RUNX1T1: variants seen among roughly 807,000 people sequenced by gnomAD.
RUNX1T1 encodes RUNX1 partner transcriptional co-repressor 1.
RUNX1T1 carries 4 observed loss-of-function variants against 62.8 expected under a neutral mutation model. That is an observed-to-expected ratio of 0.06 (90% confidence interval 0.03 to 0.15). The LOEUF (loss-of-function observed/expected upper bound fraction) is 0.15. Ranked by LOEUF, RUNX1T1 falls within the 10% of genes least tolerant of loss-of-function variation. RUNX1T1 has a pLI of 1.00. For synonymous variants in RUNX1T1, 291 were observed against 286.0 expected (o/e 1.02, Z -0.18); for missense variants, 508 against 754.3 (o/e 0.67, Z 3.82).
intron 3 of RUNX1T1, among the ~76,000 whole-genome samples, chr8:92,012,793 A>T (rs1294518826): frequency 6.6e-6 from 1 of 152,022 alleles, no homozygotes; most frequent in African/African-American, 2.4e-5. Flanking sequence ...TAGTCCTGAG[A>T]ATTATGTAAA....
At chr8:92,078,864 T>C (rs1317866216) in intron 1 of RUNX1T1, among the ~76,000 whole-genome samples, 2 of 152,236 alleles carry the variant, frequency 1.3e-5, no homozygotes, top group African/African-American at 4.8e-5. Context: ...CGCAATGTAT[T>C]TATTTTCTAA....
At chr8:92,099,380 C>T (rs553314214) in intron 1 of RUNX1T1, among the ~76,000 whole-genome samples, 1 of 152,294 alleles carries the variant, frequency 6.6e-6, no homozygotes, top group South Asian at 2.1e-4. Context: ...TAAGTGCACT[C>T]TGCAAGCACA....
intron 1 of RUNX1T1, among the ~76,000 whole-genome samples, chr8:92,057,157 G>C (rs1700852396): frequency 6.6e-6 from 1 of 152,116 alleles, no homozygotes; most frequent in South Asian, 2.1e-4. Flanking sequence ...TGATGATGAA[G>C]GCTAATGCTT....
At chr8:92,075,988 T>C (rs1834364460) in exon 2 of RUNX1T1, 1 of 1,611,446 alleles carries the variant, frequency 6.2e-7, no homozygotes, top group South Asian at 1.1e-5. Context: ...AAAGTTCCCT[T>C]TTTTCCGGCA....
intron 1 of RUNX1T1, among the ~76,000 whole-genome samples, chr8:92,030,371 G>A (rs1329022297): frequency 5.3e-5 from 8 of 152,226 alleles, no homozygotes; most frequent in Non-Finnish European, 1.2e-4. Context: ...GTCCCAGAAC[G>A]TATCACATTG....
chr8:91,986,757 C>CA, intron 7 of RUNX1T1, 130 bp downstream of exon 8: 1 of 674,718 alleles, frequency 1.5e-6, no homozygotes. Context: ...TATTCTCGCT[C>CA]ATTTTTTTTT....
intron 1 of RUNX1T1, among the ~76,000 whole-genome samples, chr8:92,087,122 T>A (rs1241004834): frequency 6.6e-6 from 1 of 152,154 alleles, no homozygotes; most frequent in Non-Finnish European, 1.5e-5. Flanking sequence ...AAAGCAGAGC[T>A]ATTCTGCTTT....
At chr8:92,065,730 T>C (rs150988780), upstream of RUNX1T1, among the ~76,000 whole-genome samples, 454 of 152,324 alleles carry the variant, frequency 3.0e-3, 5 homozygotes, top group African/African-American at 9.3e-3. Context: ...AGCAGTCTAC[T>C]GACATGGGCT....
intron 1 of RUNX1T1, among the ~76,000 whole-genome samples, chr8:92,060,553 A>ATATATATATATATATGTGTGTG: frequency 1.3e-4 from 8 of 63,936 alleles, no homozygotes; most frequent in Non-Finnish European, 1.6e-4. Context: ...ATATATATAT[A>ATATATATATATATATGTGTGTG]TGTGTGTGTG....
At chr8:92,061,556 T>C (rs1408865243) in intron 1 of RUNX1T1, among the ~76,000 whole-genome samples, 1 of 152,198 alleles carries the variant, frequency 6.6e-6, no homozygotes, top group Non-Finnish European at 1.5e-5. Flanking sequence ...TATATATCAA[T>C]AATGATTAGG....
intron 1 of RUNX1T1, among the ~76,000 whole-genome samples, chr8:92,091,509 A>T (rs1354091787): frequency 6.6e-6 from 1 of 152,230 alleles, no homozygotes; most frequent in Admixed American, 6.5e-5. Flanking sequence ...TTTCAAAAAG[A>T]GGCACAGGAA....
At chr8:92,051,602 A>ACTCTCTCT (rs34298111) in intron 1 of RUNX1T1, among the ~76,000 whole-genome samples, 1 of 140,838 alleles carries the variant, frequency 7.1e-6, no homozygotes, top group African/African-American at 2.7e-5. Flanking sequence ...ACACACACAC[A>ACTCTCTCT]CTCTCTCTCT....
At chr8:92,048,209 G>C (rs1295380204) in intron 1 of RUNX1T1, among the ~76,000 whole-genome samples, 1 of 152,090 alleles carries the variant, frequency 6.6e-6, no homozygotes, top group Admixed American at 6.6e-5. Context: ...ACTTGTTTTA[G>C]ACGTTTAAGG....
Position 92,097,988 on chromosome 8 carries a change from A to G in RUNX1T1, c.-86+1592T>C, listed in dbSNP as rs541371063. 5.9e-5 allele frequency among the ~76,000 whole-genome samples: 9 copies of G among 152,382 alleles called. No homozygotes were observed. The South Asian group carries it at 1.9e-3, about 32-fold the overall frequency. ...ACAGCTGTCTTAAAGTCCAGGCTAG[A>G]GACTAGAAATCTTAATTTCAACTAG... On this transcript the variant is annotated intron_variant, in intron 1 of 11. Coordinates refer to the RUNX1T1 transcript ENST00000265814.
chr8:91,970,043 T>TGTGTGTTGTGTG lies in RUNX1T1; in HGVS notation c.1458+614_1458+615insCACACAACACAC, dbSNP rs11374252. Reference sequence around the variant, plus strand: ...CTGTGTGTGTGTGTGTGTGTGTGTGTTGTGTGTGTGTGTGTGAGAATTATT... The same window carrying TGTGTGTTGTGTG: ...CTGTGTGTGTGTGTGTGTGTGTGTGTGTGTGTTGTGTGTGTGTGTGTGTGTGTGAGAATTATT... On this transcript the variant is annotated intron_variant, in intron 10 of 10. Transcript: ENST00000396218. Among the ~76,000 whole-genome samples the TGTGTGTTGTGTG allele has an allele frequency of 5.7e-3, 807 of 142,686 alleles. 9 individuals carry two copies. The highest frequency in any genetic ancestry group is 0.015 in the South Asian group (67 of 4,422). 93.6% of individuals were successfully genotyped at this position (142,686 alleles called of 152,430 possible).
intron 8 of RUNX1T1, among the ~76,000 whole-genome samples, chr8:91,983,631 A>G (rs1563668353): frequency 6.6e-6 from 1 of 152,218 alleles, no homozygotes; most frequent in Non-Finnish European, 1.5e-5. Context: ...AGACATATCC[A>G]TATCTTTATC....
rs1388460836 is a variant in RUNX1T1 at position 91,959,411 on chromosome 8, CTTGTGTGTGT to C, written c.*821_*830del. On this transcript the variant is annotated 3_prime_UTR_variant, in exon 11 of 11. Transcript: ENST00000396218. ...AATTAACTGCAGGCTGAGTCTCTTA[CTTGTGTGTGT>C]GTGTGTGTGTGTGTGTGTGTGTGTG... The C allele has an allele frequency of 4.3e-4, 69 of 161,852 alleles. 1 individual carries two copies. Among genetic ancestry groups the C allele is most frequent in the East Asian group, 8.9e-4 (12 of 13,424 alleles). The allele number at this position is 161,852 out of a possible 1,614,324, so 10.0% of individuals were successfully genotyped here.
chr8:92,060,553 A>ATATATGTGTGTGTGTGTGTG, intron 1 of RUNX1T1, among the ~76,000 whole-genome samples: 9 of 63,958 alleles, frequency 1.4e-4, no homozygotes, highest in African/African-American at 3.5e-4. Flanking sequence ...ATATATATAT[A>ATATATGTGTGTGTGTGTGTG]TGTGTGTGTG....
intron 1 of RUNX1T1, among the ~76,000 whole-genome samples, chr8:92,033,883 T>C (rs778530887): frequency 6.6e-6 from 1 of 151,884 alleles, no homozygotes; most frequent in African/African-American, 2.4e-5. Flanking sequence ...GCAGAAGAAT[T>C]GTTTGAACCT....
Sources: gnomAD v4.1 joint callset for allele counts (sites outside exome capture counted in the v4.1 genomes callset) on GRCh38, gnomAD v4.1.1 for gene constraint, MANE v1.5 for transcripts, NCBI Gene and HGNC (gene_info 2026-07-23, HGNC 2026-07-21) for gene names.